ANKRD12: variants seen among roughly 807,000 people sequenced by gnomAD.
ANKRD12 encodes the protein ankyrin repeat domain 12, also known as ankyrin repeat domain-containing protein 12.
In ANKRD12, 85 loss-of-function variants were observed where a neutral mutation model predicts 183.4. The observed-to-expected ratio is 0.46, with a 90% CI of 0.39 to 0.56. The LOEUF (loss-of-function observed/expected upper bound fraction) is 0.56, where lower values mean the gene tolerates loss of function less well. ANKRD12 is among the 20% of genes least tolerant of loss of function. ANKRD12 has a pLI of 0.00. For missense variants in ANKRD12, 2,405 were observed against 2,357.1 expected (o/e 1.02, Z -0.42); for synonymous variants, 914 against 800.2 (o/e 1.14, Z -2.40).
intron 1 of ANKRD12, among the ~76,000 whole-genome samples, chr18:9,139,424 A>T (rs1349327357): frequency 1.3e-5 from 2 of 152,214 alleles, no homozygotes; most frequent in Non-Finnish European, 1.5e-5. Flanking sequence ...GTTGGAGAAG[A>T]GATTTTTATT....
chr18:9,162,770 G>A (rs1347076186), intron 1 of ANKRD12, among the ~76,000 whole-genome samples: 1 of 151,698 alleles, frequency 6.6e-6, no homozygotes, highest in Non-Finnish European at 1.5e-5. Flanking sequence ...GTATCTCATT[G>A]TGGTTTTGAT....
chr18:9,146,978 C>T (rs73390130), intron 1 of ANKRD12, among the ~76,000 whole-genome samples: 1,796 of 152,206 alleles, frequency 0.012, 41 homozygotes, highest in African/African-American at 0.04. Context: ...TGTTATTACC[C>T]GTCATATTAT....
chr18:9,265,088 G>A lies in ANKRD12; in HGVS notation c.5763+1200G>A, dbSNP rs542186002. ...GAGCGAGGCTGGGGGAGGGGCACCCGCCATTGCCTAGGCTTGAGTAGGTGA... is the reference window on the plus strand; with the variant it reads ...GAGCGAGGCTGGGGGAGGGGCACCCACCATTGCCTAGGCTTGAGTAGGTGA... On this transcript the variant is annotated intron_variant, in intron 10 of 12. Transcript: ENST00000262126. 2.6e-5 allele frequency among the ~76,000 whole-genome samples: 4 copies of A among 152,370 alleles called. No individual in the cohort carries two copies. The East Asian group carries it at 5.8e-4, about 22-fold the overall frequency.
intron 10 of ANKRD12, among the ~76,000 whole-genome samples, chr18:9,274,501 T>A (rs2145439851): frequency 6.6e-6 from 1 of 152,278 alleles, no homozygotes; most frequent in East Asian, 1.9e-4. Flanking sequence ...GATAGGTAAT[T>A]CATAGAGACA....
chr18:9,154,749 T>C (rs2030144032), intron 1 of ANKRD12, among the ~76,000 whole-genome samples: 1 of 152,184 alleles, frequency 6.6e-6, no homozygotes, highest in African/African-American at 2.4e-5. Context: ...TAATTTGTGG[T>C]ATATTTTAGA....
intron 1 of ANKRD12, among the ~76,000 whole-genome samples, chr18:9,156,237 T>C (rs891976826): frequency 6.6e-6 from 1 of 152,116 alleles, no homozygotes; most frequent in Non-Finnish European, 1.5e-5. Context: ...TTATATGGTT[T>C]AATTTTTATA....
intron 3 of ANKRD12, among the ~76,000 whole-genome samples, chr18:9,201,300 ATACT>A (rs1488508910): frequency 1.3e-5 from 2 of 152,366 alleles, no homozygotes; most frequent in African/African-American, 4.8e-5. Flanking sequence ...TCACAAAATC[ATACT>A]TAATTTCTTT....
chr18:9,255,116 G>T lies in ANKRD12; in HGVS notation c.1849G>T (p.Gly617Cys), dbSNP rs2038523274. Residue 617 changes from glycine (G) to cysteine (C), a missense_variant, in exon 9 of 13, where the codon GGT becomes TGT. Gly to Cys is a radical substitution (Grantham distance 159, BLOSUM62 -3). Transcript: ENST00000262126. ...KHQKDFHLEFGEKSNAKIKDE... is the reference protein window; with the variant it reads ...KHQKDFHLEFCEKSNAKIKDE... The stretch of plus-strand genomic sequence containing the variant: ...TCAGAAAGATTTCCACTTAGAATTT[G>T]GTGAAAAATCAAATGCCAAAATAAA... The T allele has an allele frequency of 6.3e-7, 1 of 1,577,542 alleles. No individual in the cohort carries two copies. The highest frequency in any genetic ancestry group is 8.6e-7 in the Non-Finnish European group (1 of 1,168,552).
At chr18:9,176,226 G>C (rs1003662665) in intron 1 of ANKRD12, among the ~76,000 whole-genome samples, 2 of 152,052 alleles carry the variant, frequency 1.3e-5, no homozygotes, top group Admixed American at 1.3e-4. Flanking sequence ...GAAAATTTTA[G>C]TTTTGGTTAT....
chr18:9,190,820 C>G (rs1186779618), intron 2 of ANKRD12, among the ~76,000 whole-genome samples: 1 of 152,174 alleles, frequency 6.6e-6, no homozygotes, highest in Non-Finnish European at 1.5e-5. Flanking sequence ...TGCACACTTA[C>G]TAGACTACAT....
chr18:9,157,585 G>GTGTA (rs1472659778), intron 1 of ANKRD12, among the ~76,000 whole-genome samples: 9,384 of 92,390 alleles, frequency 0.1, 524 homozygotes, highest in African/African-American at 0.16. Flanking sequence ...GTGTGTGTGT[G>GTGTA]TATATATATA....
chr18:9,205,259 G>GT (rs11449774), intron 4 of ANKRD12, among the ~76,000 whole-genome samples: 150,858 of 152,146 alleles, frequency 0.99, 74,792 homozygotes, highest in East Asian at 1. Flanking sequence ...TTAGTTAAAT[G>GT]TTTTTGATTG....
chr18:9,149,161 A>G (rs1380469046), intron 1 of ANKRD12, among the ~76,000 whole-genome samples: 1 of 152,214 alleles, frequency 6.6e-6, no homozygotes, highest in African/African-American at 2.4e-5. Flanking sequence ...ATTATTCTGC[A>G]TGGTAACTAA....
chr18:9,209,188 T>C (rs1358969352), intron 5 of ANKRD12, among the ~76,000 whole-genome samples: 1 of 152,144 alleles, frequency 6.6e-6, no homozygotes, highest in African/African-American at 2.4e-5. Context: ...AAATAATTGA[T>C]GATGACTTAC....
intron 2 of ANKRD12, among the ~76,000 whole-genome samples, chr18:9,190,830 T>A (rs1405955410): frequency 6.6e-6 from 1 of 152,224 alleles, no homozygotes; most frequent in Non-Finnish European, 1.5e-5. Context: ...CTAGACTACA[T>A]CATAGTGTAA....
intron 1 of ANKRD12, among the ~76,000 whole-genome samples, chr18:9,179,121 A>G (rs571748943): frequency 2.3e-4 from 35 of 152,280 alleles, no homozygotes; most frequent in African/African-American, 8.4e-4. Flanking sequence ...TATATTGACC[A>G]TGTATTCTAT....
intron 8 of ANKRD12, among the ~76,000 whole-genome samples, chr18:9,250,617 G>T (rs1375662808): frequency 6.6e-6 from 1 of 152,112 alleles, no homozygotes; most frequent in Non-Finnish European, 1.5e-5. Context: ...TACTGGGGAG[G>T]TTGAGGCAGA....
intron 8 of ANKRD12, among the ~76,000 whole-genome samples, chr18:9,236,511 G>A (rs1026136331): frequency 5.3e-5 from 8 of 152,156 alleles, no homozygotes; most frequent in Admixed American, 1.3e-4. Flanking sequence ...TCACTGTGGA[G>A]ACTTAAATTA....
At chr18:9,138,198 C>T (rs1358224840) in intron 1 of ANKRD12, among the ~76,000 whole-genome samples, 1 of 152,154 alleles carries the variant, frequency 6.6e-6, no homozygotes, top group Non-Finnish European at 1.5e-5. Context: ...GCTATTTTAT[C>T]GTAAATTAAC....
Sources: gnomAD v4.1 joint callset for allele counts (sites outside exome capture counted in the v4.1 genomes callset) on GRCh38, gnomAD v4.1.1 for gene constraint, MANE v1.5 for transcripts, NCBI Gene and HGNC (gene_info 2026-07-23, HGNC 2026-07-21) for gene names.